Variants in SLC25A31 observed in about 807,000 individuals in gnomAD.
SLC25A31 encodes solute carrier family 25 member 31.
SLC25A31 carries 40 observed loss-of-function variants against 36.2 expected under a neutral mutation model. The observed-to-expected ratio is 1.10, with a 90% confidence interval of 0.86 to 1.44. SLC25A31 has a LOEUF of 1.44. Among genes scored for constraint, SLC25A31 ranks in the 40% most tolerant of loss-of-function variants. The pLI is 0.00. For synonymous variants in SLC25A31, 143 were observed against 149.7 expected, an observed-to-expected ratio of 0.96 and a Z score of 0.32; for missense variants, 350 against 397.1, an observed-to-expected ratio of 0.88 and a Z score of 1.01.
In SLC25A31 at chr4:127,773,670, G is replaced by A. The variant is rs1732412735; in HGVS notation, c.*96G>A. ...ATACATTTTGATAGTGTTATTGTCT[G>A]TATTTTGTTAAAGTGCTAGTTCTGC... On this transcript the variant is annotated 3_prime_UTR_variant, in exon 6 of 6. Transcript: ENST00000281154. The A allele has an allele frequency of 2.0e-6, 2 of 1,015,906 alleles. No homozygotes were observed. Among genetic ancestry groups the A allele is most frequent in the Non-Finnish European group, 2.7e-6 (2 of 734,690 alleles). The allele number at this position is 1,015,906 out of a possible 1,614,324, so 62.9% of individuals were successfully genotyped here.
chr4:127,762,461 G>A (rs1732158505), intron 2 of SLC25A31, among the ~76,000 whole-genome samples: 1 of 152,062 alleles, frequency 6.6e-6, no homozygotes, highest in Non-Finnish European at 1.5e-5. Flanking sequence ...AACAGGCCTG[G>A]GGTTTCTTTT....
intron 1 of SLC25A31, among the ~76,000 whole-genome samples, chr4:127,732,849 G>C (rs1339986940): frequency 1.3e-5 from 2 of 152,152 alleles, no homozygotes; most frequent in East Asian, 1.9e-4. Flanking sequence ...TCGGAAACTT[G>C]TGGGGCAATT....
intron 5 of SLC25A31, 57 bp downstream of exon 5, chr4:127,768,934 G>T (rs1232943877): frequency 4.2e-6 from 6 of 1,445,408 alleles, no homozygotes; most frequent in South Asian, 2.9e-5. Flanking sequence ...CTGATATTTA[G>T]GTATAATCAA....
Position 127,754,091 on chromosome 4 carries a change from C to G in SLC25A31, c.360+9292C>G, listed in dbSNP as rs111886745. Among the ~76,000 whole-genome samples, 137 of 152,182 alleles carry G rather than the reference C, an allele frequency of 9.0e-4. 1 individual carries two copies. The highest frequency in any genetic ancestry group is 3.1e-3 in the African/African-American group (128 of 41,540). ...AGTAGATGTCAGAAAAAGCATTTTA[C>G]AAAGTTCATTCTTTCATATTAAAAA... On this transcript the variant is annotated intron_variant, in intron 2 of 5. Coordinates refer to ENST00000281154, the MANE Select transcript of SLC25A31 (RefSeq NM_031291.4).
intron 1 of SLC25A31, among the ~76,000 whole-genome samples, chr4:127,731,531 A>G (rs1731525993): frequency 6.6e-6 from 1 of 152,208 alleles, no homozygotes; most frequent in African/African-American, 2.4e-5. Context: ...TAACATGGCG[A>G]AACCCAGTCT....
intron 2 of SLC25A31, among the ~76,000 whole-genome samples, chr4:127,755,593 A>G (rs1159283062): frequency 6.6e-6 from 1 of 152,206 alleles, no homozygotes; most frequent in Non-Finnish European, 1.5e-5. Flanking sequence ...TTGAAATATC[A>G]CCTCATACCT....
chr4:127,755,802 G>A lies in SLC25A31; in HGVS notation c.361-8441G>A, dbSNP rs545508493. ...TAATCCCAGCACTTTGATAGGCCAA[G>A]GCGGGCGGATCACCTGAGGTCAGGA... is the stretch of plus-strand genomic sequence containing the variant. On this transcript the variant is annotated intron_variant, in intron 2 of 5. Coordinates refer to ENST00000281154, the MANE Select transcript of SLC25A31 (RefSeq NM_031291.4). Among the ~76,000 whole-genome samples, 5 of 152,332 alleles carry A rather than the reference G, an allele frequency of 3.3e-5. No homozygotes were observed. The South Asian group carries it at 1.0e-3, about 32-fold the overall frequency.
chr4:127,731,823 AC>A (rs1315675454), intron 1 of SLC25A31, among the ~76,000 whole-genome samples: 1 of 152,172 alleles, frequency 6.6e-6, no homozygotes, highest in Non-Finnish European at 1.5e-5. Context: ...AAAACTTTAA[AC>A]TATTTTAATG....
intron 5 of SLC25A31, among the ~76,000 whole-genome samples, chr4:127,770,938 TTC>T (rs1377436858): frequency 2.0e-5 from 3 of 147,638 alleles, no homozygotes; most frequent in Admixed American, 1.3e-4. Flanking sequence ...TCCTCCTCTG[TTC>T]TTCTTCTTCT....
At chr4:127,751,726 GA>G (rs1343418475) in intron 2 of SLC25A31, among the ~76,000 whole-genome samples, 19 of 151,750 alleles carry the variant, frequency 1.3e-4, no homozygotes, top group Non-Finnish European at 2.7e-4. Context: ...AAATTTACAA[GA>G]AAAAAACAAC....
chr4:127,745,923 C>T (rs1731817913), intron 2 of SLC25A31, among the ~76,000 whole-genome samples: 1 of 152,014 alleles, frequency 6.6e-6, no homozygotes, highest in Non-Finnish European at 1.5e-5. Flanking sequence ...GCCTAGCACC[C>T]AATAGTTATT....
intron 1 of SLC25A31, among the ~76,000 whole-genome samples, chr4:127,732,244 T>A (rs111617365): frequency 6.6e-6 from 1 of 152,164 alleles, no homozygotes; most frequent in Non-Finnish European, 1.5e-5. Flanking sequence ...CCAGATACTG[T>A]CCCATTTAAA....
intron 2 of SLC25A31, among the ~76,000 whole-genome samples, chr4:127,758,668 C>G (rs1480699745): frequency 6.6e-6 from 1 of 152,086 alleles, no homozygotes; most frequent in African/African-American, 2.4e-5. Flanking sequence ...GGTAGGGACC[C>G]AGTTTCATTC....
intron 2 of SLC25A31, among the ~76,000 whole-genome samples, chr4:127,756,525 A>G (rs1159743433): frequency 6.6e-6 from 1 of 152,196 alleles, no homozygotes; most frequent in Non-Finnish European, 1.5e-5. Context: ...GTTGTACACC[A>G]TGAGACTGTA....
At chr4:127,766,961 G>C (rs1007944834) in intron 3 of SLC25A31, 105 bp from the exon 4 acceptor site, 4 of 982,988 alleles carry the variant, frequency 4.1e-6, no homozygotes, top group Non-Finnish European at 4.2e-6. Flanking sequence ...TGTTAGATTT[G>C]TAAGTGGGAA....
At position 127,772,366 on chromosome 4, in the gene SLC25A31, A is replaced by G. The variant is rs72681841; in HGVS notation, c.760-1020A>G. On this transcript the variant is annotated intron_variant, in intron 5 of 5. Coordinates refer to ENST00000281154, the MANE Select transcript of SLC25A31 (RefSeq NM_031291.4). ...TTGTCATGAAGTTTTTTATGACATC[A>G]TCTTGCTCTTAAATTTCTGGATCAT... 2.5e-3 allele frequency among the ~76,000 whole-genome samples: 387 copies of G among 152,246 alleles called. 2 individuals carry two copies. In the Middle Eastern group the frequency reaches 0.027, roughly 11 times the overall value.
chr4:127,730,927 T>G (rs1190272207), intron 1 of SLC25A31, 150 bp downstream of exon 1: 1 of 813,698 alleles, frequency 1.2e-6, no homozygotes, highest in Non-Finnish European at 1.9e-6. Context: ...TTCCAGAATT[T>G]AGTTTCTGAA....
Position 127,774,056 on chromosome 4 carries a change from T to C in SLC25A31, c.*482T>C, listed in dbSNP as rs1357317254. On this transcript the variant is annotated 3_prime_UTR_variant, in exon 6 of 6. Transcript: ENST00000281154. The stretch of plus-strand genomic sequence containing the variant: ...TATATCTCTTCTAAGACAGTTGTTA[T>C]TACTGTGTATAATATTTACAGTATC... The C allele has an allele frequency of 6.6e-6, 1 of 152,314 alleles. No individual in the cohort carries two copies. The highest frequency in any genetic ancestry group is 1.5e-5 in the Non-Finnish European group (1 of 68,110). The allele number at this position is 152,314 out of a possible 1,614,324, so 9.4% of individuals were successfully genotyped here.
At chr4:127,744,845 T>C (rs757124971) in intron 2 of SLC25A31, 46 bp downstream of exon 2, 5 of 1,307,082 alleles carry the variant, frequency 3.8e-6, no homozygotes, top group South Asian at 1.7e-5. Context: ...ATAGAAATTT[T>C]CCATCCAATA....
Sources: allele counts gnomAD v4.1 joint callset (sites outside exome capture counted in the v4.1 genomes callset), GRCh38; gene constraint gnomAD v4.1.1; transcripts MANE v1.5; gene names NCBI Gene and HGNC (gene_info 2026-07-23, HGNC 2026-07-21).